ACBD6: variants seen among roughly 807,000 people sequenced by gnomAD.
ACBD6 encodes the protein acyl-CoA-binding domain-containing protein 6.
In ACBD6, 28 loss-of-function variants were observed where a neutral mutation model predicts 37.2. The observed-to-expected ratio is 0.75, with a 90% CI of 0.56 to 1.03. The LOEUF (loss-of-function observed/expected upper bound fraction) is 1.03. ACBD6 is among the 50% of genes least tolerant of loss of function. ACBD6 has a pLI of 0.00. For synonymous variants in ACBD6, 113 were observed against 126.8 expected, an observed-to-expected ratio of 0.89 and a Z score of 0.73; for missense variants, 340 against 337.4, an observed-to-expected ratio of 1.01 and a Z score of -0.06.
At chr1:180,498,789 C>T (rs1030176049) in intron 1 of ACBD6, among the ~76,000 whole-genome samples, 1 of 150,562 alleles carries the variant, frequency 6.6e-6, no homozygotes, top group African/African-American at 2.5e-5. Flanking sequence ...ACCTAGGAGG[C>T]GGAGGTTGTA....
exon 11 of ACBD6, chr1:180,274,092 C>T: frequency 5.9e-6 from 9 of 1,522,040 alleles, no homozygotes; most frequent in East Asian, 2.2e-5. Flanking sequence ...CCTTGGGCAT[C>T]TTTCCTGGTC....
intron 6 of ACBD6, among the ~76,000 whole-genome samples, chr1:180,324,878 ATTTT>A (rs796907324): frequency 6.6e-6 from 1 of 151,424 alleles, no homozygotes; most frequent in African/African-American, 2.4e-5. Flanking sequence ...TCTAGGGTAA[ATTTT>A]TTTTTGTTTG....
chr1:180,439,013 C>T (rs1008699826), intron 3 of ACBD6, among the ~76,000 whole-genome samples: 5 of 152,190 alleles, frequency 3.3e-5, no homozygotes, highest in Non-Finnish European at 5.9e-5. Flanking sequence ...AATGATTAGA[C>T]TCATACAGTA....
At chr1:180,425,605 T>G (rs1648550957) in intron 4 of ACBD6, among the ~76,000 whole-genome samples, 1 of 152,206 alleles carries the variant, frequency 6.6e-6, no homozygotes. Flanking sequence ...AACACAAATA[T>G]GTAGAACACA....
intron 6 of ACBD6, among the ~76,000 whole-genome samples, chr1:180,343,252 A>T (rs1652045915): frequency 6.8e-6 from 1 of 146,842 alleles, no homozygotes; most frequent in South Asian, 2.3e-4. Flanking sequence ...TCAAATATTT[A>T]AAAAATCTTA....
At position 180,318,175 on chromosome 1, in the gene ACBD6, C is replaced by CCG. The variant is rs10632390; in HGVS notation, c.664-3454_664-3453insCG. On this transcript the variant is annotated intron_variant, in intron 6 of 7. Coordinates refer to ENST00000367595, the MANE Select transcript of ACBD6 (RefSeq NM_032360.4). Reference sequence around the variant, plus strand: ...AGATTCCATCTCCGCCCCCCCCCCCCAAAAAAAAAAGAAAGAAAGAAAAAA... The same window carrying CCG: ...AGATTCCATCTCCGCCCCCCCCCCCCCGAAAAAAAAAAGAAAGAAAGAAAAAA... Among the ~76,000 whole-genome samples the CCG allele has an allele frequency of 5.4e-4, 56 of 102,802 alleles. 2 individuals are homozygous for CCG. Among genetic ancestry groups the CCG allele is most frequent in the Admixed American group, 1.1e-3 (11 of 9,900 alleles). The allele number at this position is 102,802 out of a possible 152,430, so 67.4% of individuals were successfully genotyped here.
In ACBD6 at chr1:180,289,184, C is replaced by A. The variant is rs1571320150; in HGVS notation, c.695-667G>T. On this transcript the variant is annotated intron_variant, in intron 7 of 7. Transcript: ENST00000367595. ...GGAAAAACAGACCAGAAGCTTAGAA[C>A]AGAGGGTGATCTATTCTTCTGCACA... 2.0e-5 allele frequency among the ~76,000 whole-genome samples: 3 copies of A among 152,096 alleles called. No homozygotes were observed. In the East Asian group the frequency reaches 5.8e-4, roughly 29 times the overall value.
intron 3 of ACBD6, among the ~76,000 whole-genome samples, chr1:180,437,234 C>T (rs1649077537): frequency 6.6e-6 from 1 of 152,140 alleles, no homozygotes; most frequent in Admixed American, 6.6e-5. Context: ...CTCAGTTGAA[C>T]CCAAAGAGGG....
At chr1:180,310,859 T>C (rs1650564002) in intron 7 of ACBD6, among the ~76,000 whole-genome samples, 1 of 152,182 alleles carries the variant, frequency 6.6e-6, no homozygotes, top group Admixed American at 6.5e-5. Flanking sequence ...ATCTGATCGG[T>C]ATGAAGTTGT....
intron 6 of ACBD6, among the ~76,000 whole-genome samples, chr1:180,340,631 T>TACAAAAACAAAAAA (rs1651943764): frequency 6.7e-6 from 1 of 150,072 alleles, no homozygotes; most frequent in Non-Finnish European, 1.5e-5. Flanking sequence ...AAACTGATAA[T>TACAAAAACAAAAAA]ACAAAAACAA....
intron 3 of ACBD6, chr1:180,435,066 C>T (rs1648968832): frequency 1.3e-5 from 11 of 824,838 alleles, no homozygotes; most frequent in South Asian, 7.9e-5. Context: ...TCAGCTTGCA[C>T]ATGATCTGAA....
chr1:180,271,668 CAG>C, exon 14 of ACBD6: 2 of 1,350,348 alleles, frequency 1.5e-6, no homozygotes, highest in Admixed American at 1.7e-5. Flanking sequence ...GAACTGAAGA[CAG>C]AGTTCTGAGG....
At chr1:180,407,498 T>A (rs888543663) in intron 5 of ACBD6, among the ~76,000 whole-genome samples, 2 of 152,248 alleles carry the variant, frequency 1.3e-5, no homozygotes, top group Admixed American at 1.3e-4. Context: ...CATCCAGTGA[T>A]CTTTGTGGAG....
intron 7 of ACBD6, among the ~76,000 whole-genome samples, chr1:180,313,612 T>C (rs915427857): frequency 6.6e-6 from 1 of 152,236 alleles, no homozygotes; most frequent in Non-Finnish European, 1.5e-5. Context: ...TTGCCAAGAC[T>C]GGCAAGTGTA....
intron 7 of ACBD6, among the ~76,000 whole-genome samples, chr1:180,300,126 G>T (rs1300018745): frequency 6.6e-6 from 1 of 152,158 alleles, no homozygotes; most frequent in Admixed American, 6.6e-5. Context: ...CACAAGGACA[G>T]CTGTCAAGCC....
At chr1:180,334,344 A>G (rs528121725) in intron 6 of ACBD6, among the ~76,000 whole-genome samples, 81 of 152,194 alleles carry the variant, frequency 5.3e-4, no homozygotes, top group African/African-American at 1.8e-3. Flanking sequence ...AGGCAGCAAC[A>G]TTTGCTGTTC....
intron 6 of ACBD6, among the ~76,000 whole-genome samples, chr1:180,385,037 A>G (rs1653798270): frequency 6.6e-6 from 1 of 152,136 alleles, no homozygotes; most frequent in Non-Finnish European, 1.5e-5. Flanking sequence ...AAAGAGTTTG[A>G]TCAATAGGTA....
intron 2 of ACBD6, among the ~76,000 whole-genome samples, chr1:180,493,259 A>C (rs1310070784): frequency 2.1e-5 from 2 of 95,010 alleles, no homozygotes; most frequent in African/African-American, 8.5e-5. Flanking sequence ...AAAAAAAAAA[A>C]AAAAAAAAAA....
intron 4 of ACBD6, among the ~76,000 whole-genome samples, chr1:180,427,699 G>A (rs898996227): frequency 6.6e-6 from 1 of 152,098 alleles, no homozygotes; most frequent in African/African-American, 2.4e-5. Flanking sequence ...CAAGGCAGGT[G>A]GATCACGAGG....
Sources: gnomAD v4.1 joint callset for allele counts (sites outside exome capture counted in the v4.1 genomes callset) on GRCh38, gnomAD v4.1.1 for gene constraint, MANE v1.5 for transcripts, NCBI Gene and HGNC (gene_info 2026-07-23, HGNC 2026-07-21) for gene names.